The following DAB1 variants were observed in gnomAD, a reference collection of about 807,000 sequenced individuals.
DAB1 encodes the protein disabled homolog 1.
In DAB1, 15 loss-of-function variants were observed where a neutral mutation model predicts 64.6. That is an observed-to-expected ratio of 0.23 (90% CI 0.16 to 0.36). The LOEUF is 0.36. Ranked by LOEUF, DAB1 falls within the 10% of genes least tolerant of loss-of-function variation. The pLI, the probability that DAB1 is intolerant of heterozygous loss-of-function variation, is 1.00. For missense variants in DAB1, 596 were observed against 706.7 expected, an observed-to-expected ratio of 0.84 and a Z score of 1.78; for synonymous variants, 235 against 251.9, an observed-to-expected ratio of 0.93 and a Z score of 0.64.
rs138294310 is a variant in DAB1 at position 57,634,746 on chromosome 1, C to T, written n.625+14846G>A. 1.3e-4 allele frequency among the ~76,000 whole-genome samples: 20 copies of T among 152,220 alleles called. No individual in the cohort carries two copies. In the East Asian group the frequency reaches 2.5e-3, roughly 19 times the overall value. On this transcript the variant is annotated intron_variant and non_coding_transcript_variant, in intron 7 of 20. Transcript: ENST00000485760. ...AAAGGTATAATGAAAATCTTGTATTCAGGAGATTATACTTCTCCCACTGGA... is the reference window on the plus strand; with the variant it reads ...AAAGGTATAATGAAAATCTTGTATTTAGGAGATTATACTTCTCCCACTGGA...
At chr1:58,232,063 A>C (rs1369744669) in intron 4 of DAB1, among the ~76,000 whole-genome samples, 1 of 152,172 alleles carries the variant, frequency 6.6e-6, no homozygotes, top group Non-Finnish European at 1.5e-5. Flanking sequence ...TTTTTAACTA[A>C]TCAACACCAA....
intron 7 of DAB1, among the ~76,000 whole-genome samples, chr1:57,511,904 C>G (rs1314048036): frequency 6.6e-6 from 1 of 152,152 alleles, no homozygotes; most frequent in Non-Finnish European, 1.5e-5. Flanking sequence ...ACTCACGGCT[C>G]TACGTTCCCA....
intron 4 of DAB1, among the ~76,000 whole-genome samples, chr1:58,211,253 A>G (rs1046550587): frequency 2.6e-5 from 4 of 152,168 alleles, no homozygotes; most frequent in African/African-American, 9.7e-5. Flanking sequence ...TGTGTAACTC[A>G]TAGAATCTCC....
chr1:57,964,623 C>A (rs558369145), intron 5 of DAB1, among the ~76,000 whole-genome samples: 2 of 151,910 alleles, frequency 1.3e-5, no homozygotes, highest in Admixed American at 1.3e-4. Flanking sequence ...ATTGTTTACA[C>A]CCCTGCCTTC....
chr1:58,006,432 G>A (rs556748984), intron 5 of DAB1, among the ~76,000 whole-genome samples: 1 of 152,216 alleles, frequency 6.6e-6, no homozygotes, highest in Admixed American at 6.5e-5. Context: ...CCCAGTATTA[G>A]TAATAATATA....
At chr1:58,310,675 G>A (rs909389798) in intron 4 of DAB1, among the ~76,000 whole-genome samples, 1 of 152,188 alleles carries the variant, frequency 6.6e-6, no homozygotes, top group Non-Finnish European at 1.5e-5. Flanking sequence ...TGGGGACTCC[G>A]CTTATTGCAA....
In DAB1 at chr1:57,028,917, T is replaced by C. The variant is rs568977794; in HGVS notation, c.724-2874A>G. On this transcript the variant is annotated intron_variant, in intron 9 of 14. Coordinates refer to ENST00000371236, the MANE Select transcript of DAB1 (RefSeq NM_001365792.1). ...TTGAAAAATTTGCAGCCTGACTACGTGATAGAAAAAAAAAATTTCTGGGGA... is the reference window on the plus strand; with the variant it reads ...TTGAAAAATTTGCAGCCTGACTACGCGATAGAAAAAAAAAATTTCTGGGGA... Among the ~76,000 whole-genome samples, 254 of 151,794 alleles carry C rather than the reference T, an allele frequency of 1.7e-3. 1 individual carries two copies. Among genetic ancestry groups the C allele is most frequent in the Admixed American group, 4.8e-3 (73 of 15,240 alleles).
rs193171326 is a variant in DAB1 at position 57,336,067 on chromosome 1, G to T, written c.-136-44901C>A. ...GGCAGGCAGCCGGCATGGCATTAAC[G>T]CAGTTGTGCATTTACATTCAGAGAT... On this transcript the variant is annotated intron_variant, in intron 1 of 14. Transcript: ENST00000371236. 1.2e-3 allele frequency among the ~76,000 whole-genome samples: 178 copies of T among 152,292 alleles called. 1 individual carries two copies. Among genetic ancestry groups the T allele is most frequent in the African/African-American group, 4.2e-3 (174 of 41,570 alleles).
At chr1:57,008,430 GATA>G (rs1646161336) in intron 14 of DAB1, among the ~76,000 whole-genome samples, 1 of 152,180 alleles carries the variant, frequency 6.6e-6, no homozygotes. Flanking sequence ...TAATGATGAT[GATA>G]ATGATGATGG....
intron 2 of DAB1, among the ~76,000 whole-genome samples, chr1:58,511,892 C>G (rs572270951): frequency 2.6e-5 from 4 of 151,560 alleles, no homozygotes; most frequent in Non-Finnish European, 4.4e-5. Flanking sequence ...ACCAAAAGCA[C>G]GGGAAACAAA....
intron 5 of DAB1, among the ~76,000 whole-genome samples, chr1:58,013,893 CTTTTTTTTT>C (rs11340354): frequency 7.3e-6 from 1 of 137,112 alleles, no homozygotes; most frequent in South Asian, 2.3e-4. Context: ...TTCTTTTTTT[CTTTTTTTTT>C]TTTTTCTTTT....
intron 6 of DAB1, among the ~76,000 whole-genome samples, chr1:57,662,755 G>A (rs1161609236): frequency 6.6e-6 from 1 of 152,328 alleles, no homozygotes; most frequent in African/African-American, 2.4e-5. Context: ...GGAGAGACCA[G>A]CTCAAGTGCT....
At chr1:57,063,764 A>G (rs1416344695) in intron 8 of DAB1, among the ~76,000 whole-genome samples, 1 of 152,232 alleles carries the variant, frequency 6.6e-6, no homozygotes, top group East Asian at 1.9e-4. Context: ...TTACTGACAC[A>G]TCATTTAAAT....
chr1:58,484,458 GAGTTATTCAC>G (rs1272115179), intron 3 of DAB1, among the ~76,000 whole-genome samples: 3 of 152,124 alleles, frequency 2.0e-5, no homozygotes, highest in Admixed American at 1.3e-4. Flanking sequence ...AGGCATACTT[GAGTTATTCAC>G]AGTTATTCAC....
At chr1:57,576,805 C>G (rs553888131) in intron 7 of DAB1, among the ~76,000 whole-genome samples, 9 of 152,276 alleles carry the variant, frequency 5.9e-5, no homozygotes, top group African/African-American at 1.7e-4. Flanking sequence ...TTTTCTGAGA[C>G]GGGTGGAAGA....
At chr1:57,511,528 C>G (rs1026870600) in intron 7 of DAB1, among the ~76,000 whole-genome samples, 3 of 152,176 alleles carry the variant, frequency 2.0e-5, no homozygotes, top group Non-Finnish European at 4.4e-5. Context: ...TTTTATATCA[C>G]ACTGCTTTTT....
intron 4 of DAB1, among the ~76,000 whole-genome samples, chr1:58,227,999 G>A (rs941696090): frequency 1.2e-4 from 19 of 152,196 alleles, no homozygotes; most frequent in East Asian, 3.9e-4. Context: ...AACAGACCAA[G>A]AAAGTGGACT....
rs75041312 is a variant in DAB1 at position 58,333,786 on chromosome 1, T to C, written n.309+9566A>G. On this transcript the variant is annotated intron_variant and non_coding_transcript_variant, in intron 4 of 20. Transcript: ENST00000485760. Reference sequence around the variant, plus strand: ...TCAAAGTCCTTGATGAAAGAATGCATAAAAGAATGCATAAGTGAAGTCCTT... The same window carrying C: ...TCAAAGTCCTTGATGAAAGAATGCACAAAAGAATGCATAAGTGAAGTCCTT... Among the ~76,000 whole-genome samples, 1,311 of 152,298 alleles carry C rather than the reference T, an allele frequency of 8.6e-3. 26 individuals are homozygous for C. Among genetic ancestry groups the C allele is most frequent in the African/African-American group, 0.03 (1,263 of 41,576 alleles).
intron 2 of DAB1, among the ~76,000 whole-genome samples, chr1:57,159,463 C>T (rs1467479336): frequency 6.6e-6 from 1 of 152,094 alleles, no homozygotes; most frequent in African/African-American, 2.4e-5. Context: ...AAAGCCAGGC[C>T]CTACAATCTC....
Sources: allele counts gnomAD v4.1 joint callset (sites outside exome capture counted in the v4.1 genomes callset), GRCh38; gene constraint gnomAD v4.1.1; transcripts MANE v1.5; gene names NCBI Gene and HGNC (gene_info 2026-07-23, HGNC 2026-07-21).